The following PDE10A variants were observed in gnomAD, a reference collection of about 807,000 sequenced individuals.
PDE10A encodes the protein cAMP and cAMP-inhibited cGMP 3',5'-cyclic phosphodiesterase 10A.
A neutral mutation model predicts 97.7 loss-of-function variants in PDE10A; 39 were observed. The observed-to-expected ratio is 0.40, with a 90% CI of 0.31 to 0.52. The LOEUF is 0.52. PDE10A is among the 20% of genes least tolerant of loss of function. The pLI is 0.56. For missense variants in PDE10A, 731 were observed against 1,047.8 expected, an observed-to-expected ratio of 0.70 and a Z score of 4.17; for synonymous variants, 371 against 376.8, an observed-to-expected ratio of 0.98 and a Z score of 0.18.
chr6:165,951,823 C>T (rs1783972279), intron 1 of PDE10A, among the ~76,000 whole-genome samples: 1 of 152,182 alleles, frequency 6.6e-6, no homozygotes, highest in Admixed American at 6.5e-5. Flanking sequence ...ATACATGGTC[C>T]TTCTTCCATT....
chr6:165,814,814 G>A (rs984562127), intron 1 of PDE10A, among the ~76,000 whole-genome samples: 6 of 151,972 alleles, frequency 3.9e-5, no homozygotes, highest in Admixed American at 3.3e-4. Flanking sequence ...CTGGGTTCTC[G>A]AGACGTCACT....
intron 1 of PDE10A, among the ~76,000 whole-genome samples, chr6:165,927,452 T>C (rs1471350150): frequency 1.3e-5 from 2 of 151,804 alleles, no homozygotes; most frequent in East Asian, 3.9e-4. Flanking sequence ...TAAAAGGCAG[T>C]TTTTTAACAA....
At chr6:165,840,483 A>G (rs1424846493) in intron 1 of PDE10A, among the ~76,000 whole-genome samples, 1 of 152,210 alleles carries the variant, frequency 6.6e-6, no homozygotes, top group Non-Finnish European at 1.5e-5. Context: ...ACCATATAAG[A>G]AAAAGCAGAT....
intron 1 of PDE10A, among the ~76,000 whole-genome samples, chr6:165,649,016 A>G (rs1789547377): frequency 6.6e-6 from 1 of 152,172 alleles, no homozygotes; most frequent in Admixed American, 6.5e-5. Flanking sequence ...TCCCCAGAAC[A>G]GTCTCCTGTG....
At chr6:165,365,966 T>C (rs959754889) in intron 18 of PDE10A, among the ~76,000 whole-genome samples, 18 of 152,046 alleles carry the variant, frequency 1.2e-4, no homozygotes, top group African/African-American at 4.1e-4. Flanking sequence ...CCTCAGCCTA[T>C]TAAAGAACTA....
intron 1 of PDE10A, among the ~76,000 whole-genome samples, chr6:165,935,599 T>A (rs548065914): frequency 1.3e-5 from 2 of 152,286 alleles, no homozygotes; most frequent in East Asian, 1.9e-4. Context: ...GTGGATATGT[T>A]TGAGAGAACA....
chr6:165,825,203 T>C (rs930637068), intron 1 of PDE10A, among the ~76,000 whole-genome samples: 1 of 147,502 alleles, frequency 6.8e-6, no homozygotes, highest in Non-Finnish European at 1.5e-5. Context: ...TGTTAAAGGG[T>C]TTGGGGTGAG....
Position 165,361,020 on chromosome 6 carries a change from C to G in PDE10A, c.2784-17518G>C, listed in dbSNP as rs1783379970. Among the ~76,000 whole-genome samples the G allele has an allele frequency of 2.6e-5, 4 of 152,160 alleles. No individual in the cohort carries two copies. In the South Asian group the frequency reaches 8.3e-4, roughly 32 times the overall value. On this transcript the variant is annotated intron_variant, in intron 18 of 21. Coordinates refer to ENST00000539869, the MANE Select transcript of PDE10A (RefSeq NM_001385079.1). ...GCCTGCTCTTGCCACTTAAATTCAG[C>G]ACAAGCCAGACATTTATCAAATAGA...
At chr6:165,894,530 T>C (rs1367112365) in intron 1 of PDE10A, 2 of 455,918 alleles carry the variant, frequency 4.4e-6, no homozygotes, top group Non-Finnish European at 4.4e-6. Flanking sequence ...GGAGTTTTAA[T>C]AGACCACAAA....
intron 1 of PDE10A, among the ~76,000 whole-genome samples, chr6:165,728,977 T>C (rs1792360464): frequency 6.6e-6 from 1 of 152,152 alleles, no homozygotes; most frequent in African/African-American, 2.4e-5. Flanking sequence ...GAGGGAGGAT[T>C]GCTTGAGCCC....
Position 165,343,519 on chromosome 6 carries a change from T to G in PDE10A, c.2784-17A>C, listed in dbSNP as rs748087284. On this transcript the variant is annotated splice_polypyrimidine_tract_variant and intron_variant, in intron 18 of 21. Coordinates refer to ENST00000539869, the MANE Select transcript of PDE10A (RefSeq NM_001385079.1). ...ACACGGTCTCTAGAACACAACAATA[T>G]AAGACTGGTCAGCATAGCATTTGCA... is the stretch of plus-strand genomic sequence containing the variant. 46 of 1,542,624 alleles carry G rather than the reference T, an allele frequency of 3.0e-5. No individual in the cohort carries two copies. The highest frequency in any genetic ancestry group is 3.9e-5 in the Non-Finnish European group (44 of 1,115,044).
chr6:165,925,225 TA>T (rs1237570814), intron 1 of PDE10A, among the ~76,000 whole-genome samples: 6 of 151,944 alleles, frequency 3.9e-5, no homozygotes, highest in Non-Finnish European at 7.4e-5. Context: ...ATACAAAAAA[TA>T]AAAAACACTA....
At chr6:165,825,357 A>G (rs1429593392) in intron 1 of PDE10A, among the ~76,000 whole-genome samples, 1 of 151,954 alleles carries the variant, frequency 6.6e-6, no homozygotes, top group Non-Finnish European at 1.5e-5. Context: ...TTTTAATTGC[A>G]CCATAAAGGA....
chr6:165,664,734 TGGACCAGGCAGCAAGGGTCTGA>T (rs1790454509), upstream of PDE10A, among the ~76,000 whole-genome samples: 1 of 152,244 alleles, frequency 6.6e-6, no homozygotes, highest in African/African-American at 2.4e-5. Flanking sequence ...CTTTCGCGAC[TGGACCAGGCAGCAAGGGTCTGA>T]GGGCTGCCCA....
At chr6:165,877,643 CAT>C (rs553821591) in intron 1 of PDE10A, among the ~76,000 whole-genome samples, 66 of 152,116 alleles carry the variant, frequency 4.3e-4, no homozygotes, top group Non-Finnish European at 7.6e-4. Context: ...CATTACCTCA[CAT>C]ATTTATAAAT....
intron 2 of PDE10A, among the ~76,000 whole-genome samples, chr6:165,541,733 G>C (rs1324103741): frequency 6.6e-6 from 1 of 152,148 alleles, no homozygotes; most frequent in African/African-American, 2.4e-5. Context: ...GCTATGTCAA[G>C]CTTTCTTTAA....
rs142285236 is a variant in PDE10A at position 165,614,027 on chromosome 6, T to G, written c.865+47920A>C. ...TGGGACGCTGCCCTGCTCCCACTTC[T>G]GCCGTGTGCAACCATTAAGCACCAA... On this transcript the variant is annotated intron_variant, in intron 1 of 21. Coordinates refer to ENST00000539869, the MANE Select transcript of PDE10A (RefSeq NM_001385079.1). 5.6e-4 allele frequency among the ~76,000 whole-genome samples: 85 copies of G among 152,308 alleles called. No homozygotes were observed. The East Asian group carries it at 0.014, about 25-fold the overall frequency.
chr6:165,697,729 A>C (rs1442202850), intron 1 of PDE10A, among the ~76,000 whole-genome samples: 2 of 152,210 alleles, frequency 1.3e-5, no homozygotes, highest in African/African-American at 4.8e-5. Flanking sequence ...GATTGGAAGT[A>C]CTTAATGGGT....
intron 17 of PDE10A, among the ~76,000 whole-genome samples, chr6:165,384,639 T>TGTGG (rs1305940716): frequency 1.0e-5 from 1 of 95,764 alleles, no homozygotes; most frequent in African/African-American, 5.4e-5. Flanking sequence ...TGAGTGTGTG[T>TGTGG]GTGTGTGTGT....
Sources: gnomAD v4.1 joint callset for allele counts (sites outside exome capture counted in the v4.1 genomes callset) on GRCh38, gnomAD v4.1.1 for gene constraint, MANE v1.5 for transcripts, NCBI Gene and HGNC (gene_info 2026-07-23, HGNC 2026-07-21) for gene names.